The following RHOBTB1 variants were observed in gnomAD, a reference collection of about 807,000 sequenced individuals.
RHOBTB1 encodes rho-related BTB domain-containing protein 1.
A neutral mutation model predicts 71.6 loss-of-function variants in RHOBTB1; 40 were observed. The ratio of observed to expected loss-of-function variants is 0.56; its 90% CI spans 0.43 to 0.73. The LOEUF is 0.73. RHOBTB1 is among the 30% of genes least tolerant of loss of function. The pLI is 0.00. For missense variants in RHOBTB1, 797 were observed against 894.0 expected (o/e 0.89, Z 1.38); for synonymous variants, 319 against 334.9 (o/e 0.95, Z 0.52).
At chr10:60,965,817 T>A (rs1357175055) in intron 2 of RHOBTB1, among the ~76,000 whole-genome samples, 1 of 152,184 alleles carries the variant, frequency 6.6e-6, no homozygotes, top group Non-Finnish European at 1.5e-5. Context: ...AGAATTCATT[T>A]TCTGCTAACC....
intron 9 of RHOBTB1, among the ~76,000 whole-genome samples, chr10:60,874,183 A>C (rs2080934702): frequency 6.6e-6 from 1 of 152,224 alleles, no homozygotes; most frequent in East Asian, 1.9e-4. Flanking sequence ...AGGCCGAAGA[A>C]AAGACTGAGG....
At chr10:61,000,167 G>C (rs1254247720) in intron 1 of RHOBTB1, among the ~76,000 whole-genome samples, 4 of 152,128 alleles carry the variant, frequency 2.6e-5, no homozygotes, top group Admixed American at 6.5e-5. Flanking sequence ...CTGACAGGTG[G>C]TAAACAATGC....
the RHOBTB1 span, among the ~76,000 whole-genome samples, chr10:60,862,844 T>TCTCC: frequency 8.2e-4 from 96 of 117,328 alleles, 1 homozygote; most frequent in South Asian, 2.8e-3. Context: ...TCCCTCCCTC[T>TCTCC]CTCCCTCCCT....
At chr10:60,864,727 C>T (rs1456761901), downstream of RHOBTB1, among the ~76,000 whole-genome samples, 5 of 152,062 alleles carry the variant, frequency 3.3e-5, no homozygotes, top group Admixed American at 3.3e-4. Flanking sequence ...GAGTCTCACT[C>T]TGTTGCCCAG....
chr10:60,970,510 T>C (rs970980297), intron 2 of RHOBTB1, among the ~76,000 whole-genome samples: 7 of 152,128 alleles, frequency 4.6e-5, no homozygotes, highest in African/African-American at 1.4e-4. Context: ...TCATAGATCT[T>C]GGTAATTGTA....
At chr10:60,927,918 T>C (rs2083985511) in intron 2 of RHOBTB1, among the ~76,000 whole-genome samples, 1 of 152,102 alleles carries the variant, frequency 6.6e-6, no homozygotes, top group Non-Finnish European at 1.5e-5. Flanking sequence ...AGAAAATATT[T>C]GCAAATTACC....
rs1405390454 is a variant in RHOBTB1 at position 60,870,580 on chromosome 10, C to T, written c.*902G>A. On this transcript the variant is annotated 3_prime_UTR_variant, in exon 11 of 11. Coordinates refer to ENST00000337910, the MANE Select transcript of RHOBTB1 (RefSeq NM_014836.5). ...ACCTTTTCCCTTGCCCATCTCAATT[C>T]AAGTCAGTGAAGAATCTGCATGCAG... The T allele has an allele frequency of 4.6e-5, 7 of 152,138 alleles. No homozygotes were observed. The highest frequency in any genetic ancestry group is 4.6e-4 in the Admixed American group (7 of 15,270). The allele number at this position is 152,138 out of a possible 1,614,324, so 9.4% of individuals were successfully genotyped here. A position where few individuals can be genotyped will look rare whatever the true frequency, so the allele number is the denominator to read the frequency against.
intron 2 of RHOBTB1, among the ~76,000 whole-genome samples, chr10:60,976,709 A>C (rs1227120040): frequency 1.3e-5 from 2 of 152,022 alleles, no homozygotes; most frequent in Admixed American, 6.6e-5. Flanking sequence ...ATCTAATGTA[A>C]TGGGTTTTAT....
At position 60,892,909 on chromosome 10, in the gene RHOBTB1, T is replaced by G; in HGVS notation, c.383A>C (p.His128Pro). ...VKSMWYPEIK[H>P]FCPRTPVILV... Reference sequence around the variant, plus strand: ...GATAACGGGTGTTCGAGGGCAAAAGTGCTTGATTTCTGGATACCACATGCT... The same window carrying G: ...GATAACGGGTGTTCGAGGGCAAAAGGGCTTGATTTCTGGATACCACATGCT... Residue 128 changes from histidine to proline, a missense_variant, in exon 5 of 11, where the codon CAC becomes CCC. Coordinates refer to ENST00000337910, the MANE Select transcript of RHOBTB1 (RefSeq NM_014836.5). The G allele has an allele frequency of 1.2e-6, 2 of 1,614,080 alleles. No homozygotes were observed. Among genetic ancestry groups the G allele is most frequent in the Non-Finnish European group, 1.7e-6 (2 of 1,179,978 alleles).
intron 4 of RHOBTB1, among the ~76,000 whole-genome samples, chr10:60,899,342 G>A (rs2082303786): frequency 6.6e-6 from 1 of 152,224 alleles, no homozygotes; most frequent in Admixed American, 6.5e-5. Flanking sequence ...TCCGTCTGGA[G>A]TTCATATTCC....
chr10:60,869,512 T>C lies in RHOBTB1; in HGVS notation c.*1970A>G, dbSNP rs1250277058. On this transcript the variant is annotated 3_prime_UTR_variant, in exon 11 of 11. Transcript: ENST00000337910. ...AACAAACCACCATGGTTAAAGGCCA[T>C]AATCAGCATCAACCAAATGAACCAG... is the stretch of plus-strand genomic sequence containing the variant. 1 of 152,674 alleles carries C rather than the reference T, an allele frequency of 6.5e-6. No homozygotes were observed. The highest frequency in any genetic ancestry group is 1.5e-5 in the Non-Finnish European group (1 of 68,044). The allele number at this position is 152,674 out of a possible 1,614,324, so 9.5% of individuals were successfully genotyped here. A position where few individuals can be genotyped will look rare whatever the true frequency, so the allele number is the denominator to read the frequency against.
chr10:60,928,569 A>C (rs902653462), intron 2 of RHOBTB1, among the ~76,000 whole-genome samples: 1 of 151,894 alleles, frequency 6.6e-6, no homozygotes, highest in Non-Finnish European at 1.5e-5. Flanking sequence ...AGCTCCAAAA[A>C]ATTTGAGCTC....
chr10:60,936,110 G>A (rs1480668403), intron 2 of RHOBTB1, among the ~76,000 whole-genome samples: 1 of 152,176 alleles, frequency 6.6e-6, no homozygotes, highest in Admixed American at 6.5e-5. Context: ...TTATCATCTG[G>A]TTCAGCAAGG....
At chr10:60,920,857 T>G (rs12776441) in intron 2 of RHOBTB1, among the ~76,000 whole-genome samples, 83,363 of 151,598 alleles carry the variant, frequency 0.55, 23,222 homozygotes, top group East Asian at 0.77. Context: ...GGGTCTCACT[T>G]TGCTATCCAG....
chr10:60,964,210 A>G (rs566374409), intron 2 of RHOBTB1, among the ~76,000 whole-genome samples: 1 of 152,274 alleles, frequency 6.6e-6, no homozygotes, highest in South Asian at 2.1e-4. Context: ...GTACTTAGGA[A>G]TAAACATGTT....
At chr10:60,885,062 T>C (rs928790174) in intron 7 of RHOBTB1, among the ~76,000 whole-genome samples, 14 of 152,112 alleles carry the variant, frequency 9.2e-5, no homozygotes, top group African/African-American at 2.4e-4. Context: ...AGGACCACAG[T>C]TGCATATAGT....
At chr10:60,888,181 T>A (rs1355920844) in intron 6 of RHOBTB1, 31 bp downstream of exon 6, 1 of 1,590,940 alleles carries the variant, frequency 6.3e-7, no homozygotes, top group East Asian at 2.2e-5. Flanking sequence ...CAATCAAAGG[T>A]ATTAATGGCT....
intron 2 of RHOBTB1, among the ~76,000 whole-genome samples, chr10:60,919,305 A>C (rs1178412547): frequency 6.7e-6 from 1 of 150,202 alleles, no homozygotes; most frequent in African/African-American, 2.5e-5. Flanking sequence ...CCTGAAATAA[A>C]AAACTGACAA....
At chr10:60,993,340 C>A (rs1325766451) in intron 1 of RHOBTB1, among the ~76,000 whole-genome samples, 1 of 152,162 alleles carries the variant, frequency 6.6e-6, no homozygotes, top group African/African-American at 2.4e-5. Flanking sequence ...GCTACAAGGG[C>A]ACATGCCAAA....
Sources: allele counts gnomAD v4.1 joint callset (sites outside exome capture counted in the v4.1 genomes callset), GRCh38; gene constraint gnomAD v4.1.1; transcripts MANE v1.5; gene names NCBI Gene and HGNC (gene_info 2026-07-23, HGNC 2026-07-21).